The following BRD10 variants were observed in gnomAD, a reference collection of about 807,000 sequenced individuals.
BRD10 encodes bromodomain containing 10.
At chr9:5,886,151 G>A in the BRD10 span, among the ~76,000 whole-genome samples, 1 of 152,210 alleles carries the variant, frequency 6.6e-6, no homozygotes, top group African/African-American at 2.4e-5. Context: ...ATTGTGGGGA[G>A]CACTGAAGAG....
chr9:5,954,600 G>A, the BRD10 span, among the ~76,000 whole-genome samples: 6 of 152,034 alleles, frequency 3.9e-5, no homozygotes, highest in South Asian at 4.1e-4. Flanking sequence ...TCACCTAATA[G>A]GCTGCCCTTG....
the BRD10 span, among the ~76,000 whole-genome samples, chr9:6,000,637 T>C: frequency 2.0e-5 from 3 of 151,538 alleles, no homozygotes; most frequent in African/African-American, 7.2e-5. Flanking sequence ...CTCAAATTAA[T>C]ATTTTCAAAT....
chr9:5,959,752 G>A, the BRD10 span, among the ~76,000 whole-genome samples: 1 of 152,064 alleles, frequency 6.6e-6, no homozygotes, highest in African/African-American at 2.4e-5. Flanking sequence ...TACCTTCTCA[G>A]TCATTTCCTA....
the BRD10 span, among the ~76,000 whole-genome samples, chr9:6,003,223 T>C: frequency 1.3e-5 from 2 of 152,242 alleles, no homozygotes; most frequent in African/African-American, 2.4e-5. Flanking sequence ...GCTTTATTAG[T>C]GTCACTGGTG....
chr9:5,890,439 G>A, the BRD10 span, among the ~76,000 whole-genome samples: 4 of 152,136 alleles, frequency 2.6e-5, no homozygotes, highest in African/African-American at 9.7e-5. Flanking sequence ...TGAGCTCCAT[G>A]AGTTCTCTGT....
At chr9:5,951,632 C>A in the BRD10 span, among the ~76,000 whole-genome samples, 1 of 152,092 alleles carries the variant, frequency 6.6e-6, no homozygotes, top group African/African-American at 2.4e-5. Flanking sequence ...ATCGCTAGAA[C>A]TTTTGGGCAG....
At chr9:5,926,888 G>GAAT in the BRD10 span, among the ~76,000 whole-genome samples, 3 of 151,998 alleles carry the variant, frequency 2.0e-5, no homozygotes, top group Non-Finnish European at 2.9e-5. Context: ...TTACAAATGA[G>GAAT]AATAATAATA....
chr9:5,985,014 T>G, the BRD10 span, among the ~76,000 whole-genome samples: 3 of 151,678 alleles, frequency 2.0e-5, no homozygotes, highest in Non-Finnish European at 4.4e-5. Context: ...TTTCAAGACT[T>G]ACTGTAAAGT....
chr9:5,922,044 G>A, the BRD10 span: 1 of 1,614,024 alleles, frequency 6.2e-7, no homozygotes, highest in African/African-American at 1.3e-5. Context: ...AATGCCTGCA[G>A]CTGAGGAGCA....
chr9:5,901,903 T>A, the BRD10 span, among the ~76,000 whole-genome samples: 1 of 152,218 alleles, frequency 6.6e-6, no homozygotes, highest in African/African-American at 2.4e-5. Flanking sequence ...TTATACATTG[T>A]TAGTTTGACT....
chr9:5,899,695 G>A, the BRD10 span, among the ~76,000 whole-genome samples: 1 of 152,198 alleles, frequency 6.6e-6, no homozygotes, highest in Non-Finnish European at 1.5e-5. Flanking sequence ...TTATGACATT[G>A]CCTTGTAATT....
chr9:5,922,763 A>G, the BRD10 span: 2 of 1,614,000 alleles, frequency 1.2e-6, no homozygotes, highest in Non-Finnish European at 1.7e-6. Flanking sequence ...GCTATTTTGA[A>G]GATCTATTGG....
At chr9:5,923,164 T>C in the BRD10 span, 1 of 1,614,052 alleles carries the variant, frequency 6.2e-7, no homozygotes, top group Non-Finnish European at 8.5e-7. Flanking sequence ...AAAGCTCTTT[T>C]GTGCTGTCAT....
the BRD10 span, among the ~76,000 whole-genome samples, chr9:5,951,244 T>C: frequency 6.6e-6 from 1 of 151,950 alleles, no homozygotes; most frequent in Non-Finnish European, 1.5e-5. Flanking sequence ...AAGTTCAAGT[T>C]CTAGCTTTAA....
the BRD10 span, among the ~76,000 whole-genome samples, chr9:5,935,228 C>T: frequency 3.3e-5 from 5 of 152,268 alleles, no homozygotes; most frequent in South Asian, 4.1e-4. Context: ...AAAAGGAACG[C>T]GTTTGTACTT....
chr9:5,921,336 T>C, the BRD10 span: 3 of 1,613,944 alleles, frequency 1.9e-6, no homozygotes, highest in Non-Finnish European at 2.5e-6. Flanking sequence ...GTGCCCACTG[T>C]AGACGGAATC....
the BRD10 span, among the ~76,000 whole-genome samples, chr9:5,971,344 T>G: frequency 1.3e-5 from 2 of 152,172 alleles, no homozygotes; most frequent in African/African-American, 2.4e-5. Flanking sequence ...CGTTACTATG[T>G]GATCTAGCAA....
chr9:5,957,154 A>G, the BRD10 span, among the ~76,000 whole-genome samples: 2 of 152,180 alleles, frequency 1.3e-5, no homozygotes, highest in African/African-American at 4.8e-5. Context: ...TCAGATACTT[A>G]GTAAAGTGGT....
chr9:5,988,248 A>G, the BRD10 span: 3 of 784,512 alleles, frequency 3.8e-6, no homozygotes, highest in South Asian at 1.6e-5. Context: ...TTTTGTAACA[A>G]TGCATTTTAG....
Sources: gnomAD v4.1 joint callset for allele counts (sites outside exome capture counted in the v4.1 genomes callset) on GRCh38, gnomAD v4.1.1 for gene constraint, MANE v1.5 for transcripts, NCBI Gene and HGNC (gene_info 2026-07-23, HGNC 2026-07-21) for gene names.